SIK2: variants seen among roughly 807,000 people sequenced by gnomAD.
SIK2 encodes salt inducible kinase 2, also known as serine/threonine-protein kinase SIK2.
In SIK2, 29 loss-of-function variants were observed where a neutral mutation model predicts 103.2. The observed-to-expected ratio is 0.28, with a 90% confidence interval of 0.21 to 0.38. SIK2 has a LOEUF of 0.38. Among genes scored for constraint, SIK2 ranks in the 10% least tolerant of loss-of-function variants. The pLI is 1.00. For missense variants in SIK2, 879 were observed against 1,171.0 expected, an observed-to-expected ratio of 0.75 and a Z score of 3.64; for synonymous variants, 412 against 446.1, an observed-to-expected ratio of 0.92 and a Z score of 0.96.
intron 2 of SIK2, among the ~76,000 whole-genome samples, chr11:111,616,918 T>A (rs1300155099): frequency 1.3e-5 from 2 of 152,226 alleles, no homozygotes; most frequent in East Asian, 3.9e-4. Context: ...GATGTGGCAG[T>A]TTTGCTCATT....
intron 8 of SIK2, among the ~76,000 whole-genome samples, chr11:111,710,360 C>T (rs745645630): frequency 2.0e-5 from 3 of 152,160 alleles, no homozygotes; most frequent in Non-Finnish European, 4.4e-5. Context: ...TGTTTTGGGG[C>T]ATCCATACCA....
intron 3 of SIK2, among the ~76,000 whole-genome samples, chr11:111,629,778 A>G (rs1320609566): frequency 1.3e-5 from 2 of 152,226 alleles, no homozygotes; most frequent in African/African-American, 2.4e-5. Context: ...ATATCATTTC[A>G]CATCAGTTAG....
chr11:111,607,116 A>G (rs557375804), intron 1 of SIK2, among the ~76,000 whole-genome samples: 1 of 152,222 alleles, frequency 6.6e-6, no homozygotes, highest in African/African-American at 2.4e-5. Flanking sequence ...AAGAGCATGT[A>G]AATGTATAGT....
intron 3 of SIK2, among the ~76,000 whole-genome samples, chr11:111,622,228 G>C (rs1299146101): frequency 3.3e-5 from 4 of 121,282 alleles, no homozygotes; most frequent in African/African-American, 1.2e-4. Flanking sequence ...TTTTTCTTTT[G>C]TCTGAAGGAT....
At chr11:111,666,943 TTTTATTTATTTATTTATTTATTTA>T (rs57641391) in intron 3 of SIK2, among the ~76,000 whole-genome samples, 2 of 145,384 alleles carry the variant, frequency 1.4e-5, no homozygotes, top group Non-Finnish European at 3.0e-5. Flanking sequence ...TTTTATTTTA[TTTTATTTATTTATTTATTTATTTA>T]TTTATTTATT....
At chr11:111,707,221 G>C (rs1344688857) in intron 8 of SIK2, among the ~76,000 whole-genome samples, 2 of 152,206 alleles carry the variant, frequency 1.3e-5, no homozygotes, top group Admixed American at 1.3e-4. Flanking sequence ...TCCCTGCCAA[G>C]TCTCTTTATT....
intron 9 of SIK2, 103 bp downstream of exon 9, chr11:111,712,478 T>A: frequency 1.6e-6 from 2 of 1,257,542 alleles, no homozygotes; most frequent in Non-Finnish European, 2.2e-6. Flanking sequence ...ATCATTTCGT[T>A]AAGTCACTCA....
chr11:111,676,506 G>C (rs1280022572), intron 3 of SIK2, among the ~76,000 whole-genome samples: 2 of 152,086 alleles, frequency 1.3e-5, no homozygotes, highest in African/African-American at 4.8e-5. Context: ...ATTTCTCTAA[G>C]GATTAGTGAT....
chr11:111,710,142 A>G (rs972223859), intron 8 of SIK2, among the ~76,000 whole-genome samples: 11 of 152,218 alleles, frequency 7.2e-5, no homozygotes. Context: ...TAGCAAATAT[A>G]CTTTAGTGGG....
At chr11:111,675,499 C>G (rs185597205) in intron 3 of SIK2, among the ~76,000 whole-genome samples, 6 of 152,302 alleles carry the variant, frequency 3.9e-5, no homozygotes, top group Admixed American at 2.0e-4. Context: ...TTCCCTTTCA[C>G]TGTTTTCTTT....
chr11:111,663,880 T>C (rs1942500126), intron 3 of SIK2, among the ~76,000 whole-genome samples: 1 of 152,200 alleles, frequency 6.6e-6, no homozygotes, highest in South Asian at 2.1e-4. Context: ...TATCACTGTT[T>C]TGCATTTGAG....
intron 4 of SIK2, among the ~76,000 whole-genome samples, chr11:111,694,123 A>G (rs1307874502): frequency 6.6e-6 from 1 of 152,234 alleles, no homozygotes; most frequent in African/African-American, 2.4e-5. Flanking sequence ...TCCTGGCACC[A>G]TGTAAACACT....
chr11:111,667,832 G>A (rs1010708274), intron 3 of SIK2, among the ~76,000 whole-genome samples: 2 of 152,080 alleles, frequency 1.3e-5, no homozygotes, highest in Non-Finnish European at 2.9e-5. Context: ...GATCACTGGG[G>A]TAAGGCCATA....
chr11:111,721,748 A>G, intron 12 of SIK2, 82 bp from the exon 13 acceptor site: 1 of 1,044,302 alleles, frequency 9.6e-7, no homozygotes, highest in Non-Finnish European at 1.4e-6. Flanking sequence ...CCTATTGGAC[A>G]TTGCAAAGGT....
chr11:111,625,345 A>C (rs1941947756), intron 3 of SIK2, among the ~76,000 whole-genome samples: 1 of 152,194 alleles, frequency 6.6e-6, no homozygotes. Context: ...GGGGAGTAGC[A>C]GTACAGGTAG....
At chr11:111,619,746 A>C (rs557753919) in intron 2 of SIK2, among the ~76,000 whole-genome samples, 1 of 152,382 alleles carries the variant, frequency 6.6e-6, no homozygotes, top group South Asian at 2.1e-4. Flanking sequence ...CATTTAAATA[A>C]AAGTATTTTA....
intron 9 of SIK2, among the ~76,000 whole-genome samples, chr11:111,713,848 T>C (rs1943567602): frequency 6.6e-6 from 1 of 152,008 alleles, no homozygotes; most frequent in African/African-American, 2.4e-5. Flanking sequence ...GCGCCTGTAA[T>C]CCCAGCTACT....
intron 14 of SIK2, 47 bp from the exon 15 acceptor site, chr11:111,723,449 T>C (rs890231127): frequency 2.0e-6 from 3 of 1,529,064 alleles, no homozygotes; most frequent in Non-Finnish European, 2.6e-6. Flanking sequence ...AAAATTGCCA[T>C]CACTTGAGAA....
At chr11:111,684,507 G>A (rs1195814696) in intron 3 of SIK2, among the ~76,000 whole-genome samples, 2 of 152,104 alleles carry the variant, frequency 1.3e-5, no homozygotes, top group Non-Finnish European at 2.9e-5. Context: ...TCATTTAGCG[G>A]TACAGCTTAA....
Sources: allele counts gnomAD v4.1 joint callset (sites outside exome capture counted in the v4.1 genomes callset), GRCh38; gene constraint gnomAD v4.1.1; transcripts MANE v1.5; gene names NCBI Gene and HGNC (gene_info 2026-07-23, HGNC 2026-07-21).